The following SDK1 variants were observed in gnomAD, a reference collection of about 807,000 sequenced individuals.
SDK1 encodes sidekick cell adhesion molecule 1.
In SDK1, 157 loss-of-function variants were observed where a neutral mutation model predicts 245.5. The observed-to-expected ratio is 0.64, with a 90% CI of 0.56 to 0.73. The LOEUF (loss-of-function observed/expected upper bound fraction) is 0.73, where lower values mean the gene tolerates loss of function less well. SDK1 is among the 30% of genes least tolerant of loss of function. SDK1 has a pLI of 0.00. For synonymous variants in SDK1, 1,647 were observed against 1,278.5 expected, an observed-to-expected ratio of 1.29 and a Z score of -6.15; for missense variants, 3,583 against 3,002.3, an observed-to-expected ratio of 1.19 and a Z score of -4.52.
intron 1 of SDK1, among the ~76,000 whole-genome samples, chr7:3,483,712 G>A (rs921310541): frequency 2.6e-5 from 4 of 151,876 alleles, no homozygotes; most frequent in Admixed American, 2.0e-4. Context: ...AATTTGCTAA[G>A]CATTTTTGTT....
At chr7:4,105,385 C>T (rs1052779018) in intron 22 of SDK1, among the ~76,000 whole-genome samples, 1 of 151,986 alleles carries the variant, frequency 6.6e-6, no homozygotes, top group East Asian at 1.9e-4. Context: ...CAGCTCACTG[C>T]ATCCTCCACC....
At chr7:3,537,502 A>G (rs1778922040) in intron 1 of SDK1, among the ~76,000 whole-genome samples, 1 of 152,164 alleles carries the variant, frequency 6.6e-6, no homozygotes, top group Admixed American at 6.5e-5. Context: ...ACTCTAAGGA[A>G]TTTGTTCCTT....
chr7:4,098,659 C>T (rs1198746411), intron 22 of SDK1, among the ~76,000 whole-genome samples: 4 of 151,430 alleles, frequency 2.6e-5, no homozygotes, highest in Non-Finnish European at 5.9e-5. Flanking sequence ...GAAATGTACT[C>T]GGTTTTTTCT....
At chr7:3,417,027 A>G (rs1054802329) in intron 1 of SDK1, among the ~76,000 whole-genome samples, 4 of 152,120 alleles carry the variant, frequency 2.6e-5, no homozygotes, top group Non-Finnish European at 2.9e-5. Flanking sequence ...TACAAAAATT[A>G]GCTGGGCATG....
At chr7:4,007,403 C>T (rs1222247873) in intron 14 of SDK1, among the ~76,000 whole-genome samples, 2 of 152,038 alleles carry the variant, frequency 1.3e-5, no homozygotes, top group African/African-American at 2.4e-5. Flanking sequence ...AAGAGCCTTA[C>T]ATTTGCTCCC....
intron 1 of SDK1, among the ~76,000 whole-genome samples, chr7:3,423,512 C>G (rs554790456): frequency 6.7e-6 from 1 of 150,022 alleles, no homozygotes; most frequent in East Asian, 1.9e-4. Flanking sequence ...AAAACAAATT[C>G]GGGAATGAGA....
intron 14 of SDK1, among the ~76,000 whole-genome samples, chr7:4,005,583 C>T (rs1785422956): frequency 6.6e-6 from 1 of 152,088 alleles, no homozygotes; most frequent in South Asian, 2.1e-4. Context: ...ATTTAAACTT[C>T]CCTGAGTCTT....
intron 4 of SDK1, among the ~76,000 whole-genome samples, chr7:3,809,891 C>A (rs1472195279): frequency 6.6e-6 from 1 of 152,116 alleles, no homozygotes; most frequent in Non-Finnish European, 1.5e-5. Context: ...AATTACCAGC[C>A]CCAGGCTTCC....
chr7:3,597,698 AG>A (rs1349957230), intron 1 of SDK1, among the ~76,000 whole-genome samples: 3 of 152,052 alleles, frequency 2.0e-5, no homozygotes, highest in Admixed American at 2.0e-4. Flanking sequence ...CCTAGGGGAG[AG>A]GGGCTCAGTG....
chr7:3,986,276 T>A (rs1783820442), intron 13 of SDK1, among the ~76,000 whole-genome samples: 1 of 152,200 alleles, frequency 6.6e-6, no homozygotes, highest in Admixed American at 6.5e-5. Flanking sequence ...GCCTTGCTGA[T>A]GTGTTCTTTA....
At chr7:4,033,577 G>C (rs192125257) in intron 17 of SDK1, among the ~76,000 whole-genome samples, 10 of 152,218 alleles carry the variant, frequency 6.6e-5, no homozygotes, top group Admixed American at 2.0e-4. Context: ...ATATCCCAGA[G>C]AAATGGTTAA....
intron 1 of SDK1, among the ~76,000 whole-genome samples, chr7:3,438,976 C>A (rs1445599409): frequency 6.6e-6 from 1 of 151,732 alleles, no homozygotes; most frequent in Non-Finnish European, 1.5e-5. Context: ...CCTCAGCCTC[C>A]CGAGTAGTTG....
At chr7:3,442,419 G>T (rs1206461007) in intron 1 of SDK1, among the ~76,000 whole-genome samples, 1 of 152,176 alleles carries the variant, frequency 6.6e-6, no homozygotes, top group African/African-American at 2.4e-5. Context: ...CTGGGTCATT[G>T]CAAATTAACC....
intron 4 of SDK1, among the ~76,000 whole-genome samples, chr7:3,817,000 C>T (rs1779522856): frequency 6.6e-6 from 1 of 152,072 alleles, no homozygotes; most frequent in Admixed American, 6.6e-5. Flanking sequence ...TCAAATTATG[C>T]TTCTATGTTT....
intron 30 of SDK1, among the ~76,000 whole-genome samples, chr7:4,158,128 C>A (rs1039923494): frequency 6.6e-6 from 1 of 152,152 alleles, no homozygotes; most frequent in African/African-American, 2.4e-5. Flanking sequence ...GCAGAATCTT[C>A]CCCCTGGCCA....
intron 35 of SDK1, among the ~76,000 whole-genome samples, chr7:4,181,911 C>T (rs1234932721): frequency 1.3e-5 from 2 of 152,080 alleles, no homozygotes; most frequent in African/African-American, 2.4e-5. Context: ...CTGAAGCACC[C>T]TTTATGCATC....
intron 4 of SDK1, among the ~76,000 whole-genome samples, chr7:3,734,160 T>C (rs1779257918): frequency 2.0e-5 from 3 of 152,190 alleles, no homozygotes; most frequent in Admixed American, 2.0e-4. Flanking sequence ...TATAGTTCCC[T>C]TACCTATAGT....
In SDK1 at chr7:3,519,343, A is replaced by G. The variant is rs10249752; in HGVS notation, c.299-99737A>G. Among the ~76,000 whole-genome samples, 323 of 152,242 alleles carry G rather than the reference A, an allele frequency of 2.1e-3. 4 individuals carry two copies. Among genetic ancestry groups the G allele is most frequent in the African/African-American group, 7.5e-3 (311 of 41,560 alleles). On this transcript the variant is annotated intron_variant, in intron 1 of 44. Coordinates refer to ENST00000404826, the MANE Select transcript of SDK1 (RefSeq NM_152744.4). ...AGATGATGAATTATGCTAATTACCC[A>G]TTACTATATATTGTAATGTATCAAA...
intron 1 of SDK1, among the ~76,000 whole-genome samples, chr7:3,506,554 T>C (rs1782398138): frequency 1.3e-5 from 2 of 152,236 alleles, no homozygotes; most frequent in South Asian, 4.1e-4. Context: ...ATGACTCTGA[T>C]GTACTTTGAT....
Sources: allele counts gnomAD v4.1 joint callset (sites outside exome capture counted in the v4.1 genomes callset), GRCh38; gene constraint gnomAD v4.1.1; transcripts MANE v1.5; gene names NCBI Gene and HGNC (gene_info 2026-07-23, HGNC 2026-07-21).